The following PPM1E variants were observed in gnomAD, a reference collection of about 807,000 sequenced individuals.
PPM1E encodes protein phosphatase 1E.
PPM1E carries 20 observed loss-of-function variants against 65.9 expected under a neutral mutation model. The observed-to-expected ratio is 0.30, with a 90% CI of 0.21 to 0.44. The LOEUF (loss-of-function observed/expected upper bound fraction) is 0.44, where lower values mean the gene tolerates loss of function less well. Among genes scored for constraint, PPM1E ranks in the 20% least tolerant of loss-of-function variants. PPM1E has a pLI of 1.00. For synonymous variants in PPM1E, 352 were observed against 374.9 expected (o/e 0.94, Z 0.70); for missense variants, 713 against 953.1 (o/e 0.75, Z 3.32).
intron 1 of PPM1E, among the ~76,000 whole-genome samples, chr17:58,950,742 A>T (rs2052224754): frequency 7.4e-6 from 1 of 134,318 alleles, no homozygotes; most frequent in African/African-American, 2.8e-5. Flanking sequence ...TATTTCATTC[A>T]TTGAATTCTT....
chr17:58,799,271 A>G (rs561375901), intron 1 of PPM1E, among the ~76,000 whole-genome samples: 2 of 151,912 alleles, frequency 1.3e-5, no homozygotes, highest in South Asian at 4.2e-4. Context: ...TAATTAGTGT[A>G]ATTTCACATT....
In PPM1E at chr17:58,888,414, G is replaced by T. The variant is rs1252548330; in HGVS notation, c.465-67235G>T. On this transcript the variant is annotated intron_variant, in intron 1 of 6. Transcript: ENST00000308249. The stretch of plus-strand genomic sequence containing the variant: ...GAGTCTTGTTCTGTCATCCAGGCTA[G>T]AGTGCAGAGGCTCAATCTTGGCTCA... 5.3e-5 allele frequency among the ~76,000 whole-genome samples: 7 copies of T among 131,668 alleles called. No individual in the cohort carries two copies. The East Asian group carries it at 1.6e-3, about 30-fold the overall frequency. The allele number at this position is 131,668 out of a possible 152,430, so 86.4% of individuals were successfully genotyped here.
chr17:58,830,671 T>A (rs976132824), intron 1 of PPM1E, among the ~76,000 whole-genome samples: 1 of 151,940 alleles, frequency 6.6e-6, no homozygotes, highest in African/African-American at 2.4e-5. Flanking sequence ...TGTGGTTTAC[T>A]TTATTTTTTT....
At chr17:58,758,559 G>C (rs1207297939) in intron 1 of PPM1E, among the ~76,000 whole-genome samples, 2 of 151,490 alleles carry the variant, frequency 1.3e-5, no homozygotes, top group African/African-American at 4.9e-5. Context: ...TTTTGATATA[G>C]GTATAAACTA....
intron 1 of PPM1E, among the ~76,000 whole-genome samples, chr17:58,788,314 G>A (rs1214394242): frequency 1.3e-5 from 2 of 152,122 alleles, no homozygotes; most frequent in African/African-American, 4.8e-5. Flanking sequence ...GCCTCCCAAA[G>A]TGCTGGGTCT....
intron 1 of PPM1E, among the ~76,000 whole-genome samples, chr17:58,883,544 C>G (rs865812102): frequency 7.4e-5 from 10 of 135,160 alleles, no homozygotes; most frequent in African/African-American, 2.8e-4. Context: ...AGTGCAGTGG[C>G]GCGATCTCGG....
intron 1 of PPM1E, among the ~76,000 whole-genome samples, chr17:58,771,313 G>A (rs995465820): frequency 8.6e-5 from 13 of 151,694 alleles, no homozygotes; most frequent in Non-Finnish European, 1.9e-4. Flanking sequence ...GCATTTCATA[G>A]TATGTATAGT....
chr17:58,870,727 A>G (rs1347480775), intron 1 of PPM1E, among the ~76,000 whole-genome samples: 1 of 152,226 alleles, frequency 6.6e-6, no homozygotes, highest in African/African-American at 2.4e-5. Flanking sequence ...ATGCATGACT[A>G]ATTTTCTAAA....
At chr17:58,880,213 G>T (rs1385426844) in intron 1 of PPM1E, among the ~76,000 whole-genome samples, 1 of 152,152 alleles carries the variant, frequency 6.6e-6, no homozygotes, top group Non-Finnish European at 1.5e-5. Context: ...TTGGTATAGG[G>T]AGGGTGTCTT....
chr17:58,845,744 G>A (rs1202965526), intron 1 of PPM1E, among the ~76,000 whole-genome samples: 2 of 152,118 alleles, frequency 1.3e-5, no homozygotes, highest in African/African-American at 4.8e-5. Context: ...GCAGTGGCGC[G>A]ATCTTGGCTC....
chr17:58,892,796 T>C (rs556700777), intron 1 of PPM1E, among the ~76,000 whole-genome samples: 1 of 152,196 alleles, frequency 6.6e-6, no homozygotes, highest in East Asian at 1.9e-4. Flanking sequence ...GAACACACAC[T>C]TTACCAAAGA....
chr17:58,905,374 G>A (rs2051546070), intron 1 of PPM1E, among the ~76,000 whole-genome samples: 1 of 152,116 alleles, frequency 6.6e-6, no homozygotes, highest in African/African-American at 2.4e-5. Context: ...AGTTAAAGAA[G>A]TTGCCCTCTA....
At chr17:58,950,542 C>T (rs1022259616) in intron 1 of PPM1E, among the ~76,000 whole-genome samples, 16 of 152,152 alleles carry the variant, frequency 1.1e-4, no homozygotes, top group African/African-American at 3.9e-4. Context: ...TCTTCTCCTT[C>T]TGGAATGCCC....
intron 1 of PPM1E, among the ~76,000 whole-genome samples, chr17:58,910,176 ATTCTG>A (rs997195326): frequency 1.4e-4 from 21 of 151,696 alleles, no homozygotes; most frequent in African/African-American, 4.6e-4. Context: ...GTTCTTGAGT[ATTCTG>A]TTCTGTTTTT....
intron 1 of PPM1E, among the ~76,000 whole-genome samples, chr17:58,862,217 C>G (rs1330990075): frequency 2.0e-5 from 3 of 152,160 alleles, no homozygotes; most frequent in East Asian, 3.9e-4. Context: ...CTAAGCAAAA[C>G]CAGTGGAAGG....
In PPM1E at chr17:58,807,075, C is replaced by T. The variant is rs146872483; in HGVS notation, c.464+50614C>T. The stretch of plus-strand genomic sequence containing the variant: ...AAAATTTTAGTAGAGGTCTTCAAAT[C>T]TTACAGTGAATGCTGATACCTCCTA... On this transcript the variant is annotated intron_variant, in intron 1 of 6. Coordinates refer to ENST00000308249, the MANE Select transcript of PPM1E (RefSeq NM_014906.5). Among the ~76,000 whole-genome samples the T allele has an allele frequency of 8.9e-4, 136 of 152,140 alleles. 1 individual carries two copies. Among genetic ancestry groups the T allele is most frequent in the African/African-American group, 3.2e-3 (132 of 41,504 alleles).
chr17:58,975,841 G>A (rs1437823909), intron 6 of PPM1E, among the ~76,000 whole-genome samples: 2 of 152,270 alleles, frequency 1.3e-5, no homozygotes, highest in East Asian at 1.9e-4. Flanking sequence ...GCCTGGCTGG[G>A]AGACATTCAT....
chr17:58,941,077 A>C (rs1472327871), intron 1 of PPM1E, among the ~76,000 whole-genome samples: 5 of 152,250 alleles, frequency 3.3e-5, no homozygotes, highest in African/African-American at 1.2e-4. Flanking sequence ...CTAAAAATTC[A>C]TATAGGTAAA....
At chr17:58,783,056 T>G (rs1448288485) in intron 1 of PPM1E, among the ~76,000 whole-genome samples, 1 of 152,214 alleles carries the variant, frequency 6.6e-6, no homozygotes, top group East Asian at 1.9e-4. Flanking sequence ...TAACCTGAAC[T>G]AATTATATCT....
Sources: allele counts gnomAD v4.1 joint callset (sites outside exome capture counted in the v4.1 genomes callset), GRCh38; gene constraint gnomAD v4.1.1; transcripts MANE v1.5; gene names NCBI Gene and HGNC (gene_info 2026-07-23, HGNC 2026-07-21).